CPLX2: variants seen among roughly 807,000 people sequenced by gnomAD.
CPLX2 encodes complexin-2.
In CPLX2, 5 loss-of-function variants were observed where a neutral mutation model predicts 16.3. The ratio of observed to expected loss-of-function variants is 0.31; its 90% CI spans 0.16 to 0.64. The LOEUF (loss-of-function observed/expected upper bound fraction) is 0.64, where lower values mean the gene tolerates loss of function less well. Ranked by LOEUF, CPLX2 falls within the 30% of genes least tolerant of loss-of-function variation. CPLX2 has a pLI of 0.79. For missense variants in CPLX2, 144 were observed against 181.4 expected (o/e 0.79, Z 1.18); for synonymous variants, 89 against 73.2 (o/e 1.22, Z -1.10).
rs537144315 is a variant in CPLX2 at position 175,826,886 on chromosome 5, ATG to A, written c.-89+17822_-89+17823del. 7.0e-3 allele frequency among the ~76,000 whole-genome samples: 1,060 copies of A among 152,286 alleles called. 8 individuals carry two copies. Among genetic ancestry groups the A allele is most frequent in the South Asian group, 0.017 (84 of 4,832 alleles). On this transcript the variant is annotated intron_variant, in intron 2 of 4. Coordinates refer to the CPLX2 transcript ENST00000359546. ...TAAAGTGACTTCAGCAAAAGGGGGA[ATG>A]TGTTTGGTGTGTGTAATGAGAAGCT... is the stretch of plus-strand genomic sequence containing the variant.
At chr5:175,874,050 AG>A (rs1759700492) in intron 1 of CPLX2, among the ~76,000 whole-genome samples, 1 of 152,246 alleles carries the variant, frequency 6.6e-6, no homozygotes, top group Admixed American at 6.5e-5. Flanking sequence ...TAGACTGTGC[AG>A]GCCTTGAAGG....
At chr5:175,811,646 C>T (rs963714735) in intron 2 of CPLX2, among the ~76,000 whole-genome samples, 1 of 151,908 alleles carries the variant, frequency 6.6e-6, no homozygotes, top group African/African-American at 2.4e-5. Context: ...AGAGAAGCTT[C>T]CTGAAACTTG....
chr5:175,803,743 G>T (rs1758142547), intron 1 of CPLX2, among the ~76,000 whole-genome samples: 1 of 152,256 alleles, frequency 6.6e-6, no homozygotes, highest in Non-Finnish European at 1.5e-5. Context: ...CACTCAGCCA[G>T]TAAGGGGTGG....
intron 2 of CPLX2, among the ~76,000 whole-genome samples, chr5:175,838,631 G>C (rs1327048761): frequency 2.6e-5 from 4 of 152,100 alleles, no homozygotes; most frequent in African/African-American, 9.7e-5. Context: ...TCAGAGCCAG[G>C]TCTTTCTTAT....
chr5:175,819,060 CTT>C (rs1758462697), intron 2 of CPLX2, among the ~76,000 whole-genome samples: 2 of 152,142 alleles, frequency 1.3e-5, no homozygotes, highest in Admixed American at 6.5e-5. Flanking sequence ...TGGAGAGTCT[CTT>C]GAGTTGTTGC....
rs374308372 is a variant in CPLX2, at chr5:175,839,568, G to A, written c.-89+30500G>A. 2.3e-3 allele frequency among the ~76,000 whole-genome samples: 346 copies of A among 152,338 alleles called. 3 individuals are homozygous for A. Among genetic ancestry groups the A allele is most frequent in the African/African-American group, 7.8e-3 (326 of 41,578 alleles). On this transcript the variant is annotated intron_variant, in intron 2 of 4. Coordinates refer to the CPLX2 transcript ENST00000359546. ...TCAAAAGTGCTAGGATTACAGGCGT[G>A]AGCCACCTCATCCGGCCTCAACCTT...
chr5:175,842,646 C>T (rs1036408372), intron 2 of CPLX2, among the ~76,000 whole-genome samples: 1 of 152,232 alleles, frequency 6.6e-6, no homozygotes, highest in Non-Finnish European at 1.5e-5. Flanking sequence ...TAATCCTCCT[C>T]CCCTGGCCCC....
rs565316889 is a variant in CPLX2, at chr5:175,879,036, C to T, written c.160C>T (p.Arg54Cys). The T allele has an allele frequency of 7.5e-6, 12 of 1,590,000 alleles. 1 individual carries two copies. In the South Asian group the frequency reaches 1.3e-4, roughly 17 times the overall value. The change falls in exon 3 of 4, where the codon CGC becomes TGC. Residue 54 changes from arginine to cysteine, a missense_variant. Coordinates refer to ENST00000393745, the MANE Select transcript of CPLX2 (RefSeq NM_001008220.2). ...QEEERKAKHA[R>C]MEAEREKVRQ... is the part of the protein sequence containing the mutation. ...GGAGGAGCGTAAGGCCAAGCACGCG[C>T]GCATGGAGGCGGAGCGGGAGAAGGT...
intron 2 of CPLX2, among the ~76,000 whole-genome samples, chr5:175,836,426 G>A (rs189006907): frequency 6.4e-4 from 98 of 152,288 alleles, no homozygotes; most frequent in Non-Finnish European, 1.2e-3. Flanking sequence ...GCACTGGTTC[G>A]TGCTCCTGGT....
chr5:175,808,642 T>G (rs1056245942), intron 1 of CPLX2, among the ~76,000 whole-genome samples: 1 of 152,164 alleles, frequency 6.6e-6, no homozygotes, highest in Admixed American at 6.5e-5. Context: ...CAGATATGAT[T>G]GATGATAAAT....
At chr5:175,799,552 A>ATATATATATATATATATATATG in intron 1 of CPLX2, among the ~76,000 whole-genome samples, 1 of 133,350 alleles carries the variant, frequency 7.5e-6, no homozygotes, top group East Asian at 2.2e-4. Flanking sequence ...ATATATATAT[A>ATATATATATATATATATATATG]TATATATATA....
chr5:175,855,256 G>A (rs1759232621), intron 2 of CPLX2, among the ~76,000 whole-genome samples: 1 of 152,174 alleles, frequency 6.6e-6, no homozygotes, highest in Admixed American at 6.5e-5. Flanking sequence ...AATGTGTGGA[G>A]TCTAATCCCA....
intron 2 of CPLX2, among the ~76,000 whole-genome samples, chr5:175,822,628 T>C (rs1758534794): frequency 6.6e-6 from 1 of 152,254 alleles, no homozygotes; most frequent in East Asian, 1.9e-4. Context: ...ACACTCTATC[T>C]TTCTACATCT....
upstream of CPLX2, chr5:175,871,446 A>AGAGAGAGAGAGAGG (rs1561790404): frequency 7.1e-5 from 7 of 98,716 alleles, 2 homozygotes; most frequent in Admixed American, 1.9e-4. Context: ...AGAGAGAGAG[A>AGAGAGAGAGAGAGG]GAGAGAGAGA....
intron 2 of CPLX2, among the ~76,000 whole-genome samples, chr5:175,847,272 G>A (rs191413455): frequency 3.9e-5 from 6 of 152,260 alleles, no homozygotes; most frequent in East Asian, 1.9e-4. Context: ...GAGTGCGAGC[G>A]GCGCCCATGC....
intron 2 of CPLX2, among the ~76,000 whole-genome samples, chr5:175,817,873 T>C (rs1394488501): frequency 1.3e-5 from 2 of 152,128 alleles, no homozygotes; most frequent in African/African-American, 2.4e-5. Flanking sequence ...ATGTGTCCCA[T>C]AGAAAAGAAA....
chr5:175,851,030 G>C (rs1217026301), intron 2 of CPLX2, among the ~76,000 whole-genome samples: 1 of 151,938 alleles, frequency 6.6e-6, no homozygotes, highest in African/African-American at 2.4e-5. Context: ...AGGGATTTGA[G>C]CTTAAGGAAC....
chr5:175,845,971 T>A lies in CPLX2; in HGVS notation c.-88-32681T>A, dbSNP rs1759035312. Among the ~76,000 whole-genome samples the A allele has an allele frequency of 6.6e-6, 1 of 152,106 alleles. No individual in the cohort carries two copies. The highest frequency in any genetic ancestry group is 2.1e-4 in the South Asian group (1 of 4,830). On this transcript the variant is annotated intron_variant, in intron 2 of 4. Transcript: ENST00000359546. This position sits in a 1 kb window ranked among gnomAD's most constrained non-coding sequence, Gnocchi z 4.0. ...CAATCTGAAAGATGCAGATGGCCTG[T>A]CCCCTCACCTCCTGAAATCAATCAG...
At chr5:175,803,572 T>C (rs1758139711) in intron 1 of CPLX2, among the ~76,000 whole-genome samples, 1 of 152,104 alleles carries the variant, frequency 6.6e-6, no homozygotes, top group Admixed American at 6.5e-5. Context: ...CCTGACAAGA[T>C]TGCAGGATAG....
Sources: allele counts gnomAD v4.1 joint callset (sites outside exome capture counted in the v4.1 genomes callset), GRCh38; gene constraint gnomAD v4.1.1; non-coding constraint Gnocchi (gnomAD v3.1); transcripts MANE v1.5; gene names NCBI Gene and HGNC (gene_info 2026-07-23, HGNC 2026-07-21).